The following MYO10 variants were observed in gnomAD, a reference collection of about 807,000 sequenced individuals.
MYO10 encodes the protein unconventional myosin-X.
Under a neutral mutation model 257.3 loss-of-function variants are expected in MYO10, and 133 were observed. That is an observed-to-expected ratio of 0.52 (90% CI 0.45 to 0.60). The LOEUF (loss-of-function observed/expected upper bound fraction) is 0.60, where lower values mean the gene tolerates loss of function less well. Among genes scored for constraint, MYO10 ranks in the 20% least tolerant of loss-of-function variants. The probability of loss-of-function intolerance (pLI) is 0.00; values close to 1 mark genes in which losing one functional copy is unlikely to be tolerated. For missense variants in MYO10, 2,399 were observed against 2,635.7 expected (o/e 0.91, Z 1.97); for synonymous variants, 1,104 against 1,028.6 (o/e 1.07, Z -1.40).
intron 2 of MYO10, among the ~76,000 whole-genome samples, chr5:16,835,500 T>TTTG (rs1052349935): frequency 6.9e-6 from 1 of 145,366 alleles, no homozygotes; most frequent in African/African-American, 2.5e-5. Flanking sequence ...CTGTTTTTTT[T>TTTG]TTTTTTTTTT....
rs1326189616 is a variant in MYO10, at chr5:16,674,881, G to A, written c.4936C>T (p.Leu1646Phe). The change falls in exon 35 of 41, where the codon CTC becomes TTC. Residue 1646 changes from leucine to phenylalanine, a missense_variant. Physicochemically the swap from Leu to Phe is conservative, Grantham distance 22. This residue lies in a region of MYO10 where 1,820 missense variants were observed against 1,939.4 expected (regional missense o/e 0.94). Coordinates refer to ENST00000513610, the MANE Select transcript of MYO10 (RefSeq NM_012334.3). ...SCTFLPSRGI[L>F]KYLKFHLKRI... ...TTCAGATGGAACTTGAGATACTTGA[G>A]AATCCCTCGACTCGGCAGGAAGGTG... 3.1e-6 allele frequency: 5 copies of A among 1,613,838 alleles called. No homozygotes were observed. The African/African-American group carries it at 5.3e-5, about 17-fold the overall frequency.
intron 27 of MYO10, among the ~76,000 whole-genome samples, chr5:16,692,833 T>G (rs951394528): frequency 1.3e-5 from 2 of 152,242 alleles, no homozygotes; most frequent in Admixed American, 6.5e-5. Context: ...TAACTCAGTA[T>G]AATTCTGATG....
chr5:16,873,348 G>A (rs1744501023), intron 2 of MYO10, among the ~76,000 whole-genome samples: 1 of 152,306 alleles, frequency 6.6e-6, no homozygotes, highest in Middle Eastern at 3.4e-3. Context: ...GGGTTCCCAT[G>A]GTCTTGGGTA....
intron 9 of MYO10, among the ~76,000 whole-genome samples, chr5:16,773,807 G>GAACAA (rs72008518): frequency 0.21 from 31,394 of 151,872 alleles, 3,301 homozygotes; most frequent in Middle Eastern, 0.23. Context: ...GTAAGCAAAT[G>GAACAA]AACAAATGTG....
At chr5:16,773,858 GTCTAAC>G (rs776762387) in intron 9 of MYO10, among the ~76,000 whole-genome samples, 4 of 152,116 alleles carry the variant, frequency 2.6e-5, no homozygotes, top group Admixed American at 1.3e-4. Context: ...TTGCTTTCTA[GTCTAAC>G]TCTAAGTGAT....
chr5:16,788,985 AG>A (rs1741674299), intron 4 of MYO10, among the ~76,000 whole-genome samples: 3 of 152,128 alleles, frequency 2.0e-5, no homozygotes, highest in African/African-American at 7.2e-5. Context: ...AGCAGAGAGG[AG>A]GGATCCATGA....
chr5:16,777,074 C>T (rs1323866005), intron 9 of MYO10, among the ~76,000 whole-genome samples: 3 of 151,786 alleles, frequency 2.0e-5, no homozygotes, highest in Non-Finnish European at 2.9e-5. Flanking sequence ...ATAAATGAAC[C>T]GTGATGGAAG....
chr5:16,794,330 T>C (rs545036401), intron 4 of MYO10, among the ~76,000 whole-genome samples: 2 of 148,562 alleles, frequency 1.3e-5, no homozygotes, highest in South Asian at 2.1e-4. Context: ...AGAAGGACCA[T>C]GCCTCATCAT....
At chr5:16,711,597 T>A (rs1269454423) in intron 19 of MYO10, among the ~76,000 whole-genome samples, 6 of 151,514 alleles carry the variant, frequency 4.0e-5, no homozygotes, top group African/African-American at 1.5e-4. Flanking sequence ...GCCTGGCCAA[T>A]ATGGTGAAAC....
At chr5:16,811,609 A>G (rs527750387) in intron 3 of MYO10, among the ~76,000 whole-genome samples, 7 of 152,034 alleles carry the variant, frequency 4.6e-5, no homozygotes, top group Non-Finnish European at 8.8e-5. Context: ...GAGTACAGTG[A>G]CACAATCTCG....
At chr5:16,804,577 G>A (rs529421087) in intron 3 of MYO10, among the ~76,000 whole-genome samples, 1 of 152,268 alleles carries the variant, frequency 6.6e-6, no homozygotes, top group East Asian at 1.9e-4. Flanking sequence ...TTTATTTCAA[G>A]AAAGACAAAT....
rs1244871535 is a variant in MYO10, at chr5:16,664,150, T to A, written c.*2542A>T. The A allele has an allele frequency of 6.6e-6, 1 of 152,166 alleles. No individual in the cohort carries two copies. Among genetic ancestry groups the A allele is most frequent in the African/African-American group, 2.4e-5 (1 of 41,432 alleles). The allele number at this position is 152,166 out of a possible 1,614,324, so 9.4% of individuals were successfully genotyped here. A position where few individuals can be genotyped will look rare whatever the true frequency, so the allele number is the denominator to read the frequency against. ...CTCCCTGTACGTTCTGTTGCAACTT[T>A]CTCTGAGTCTGTAATTATTTCTAAA... On this transcript the variant is annotated 3_prime_UTR_variant, in exon 41 of 41. Transcript: ENST00000513610.
intron 19 of MYO10, among the ~76,000 whole-genome samples, chr5:16,734,796 ACT>A (rs1251934040): frequency 6.9e-6 from 1 of 145,518 alleles, no homozygotes; most frequent in Non-Finnish European, 1.5e-5. Context: ...CAAGCACGAA[ACT>A]CTGTCTCAAA....
In MYO10 at chr5:16,699,534, T is replaced by A; in HGVS notation, c.3472A>T (p.Thr1158Ser). The change falls in exon 26 of 41, where the codon ACA becomes TCA. Residue 1158 changes from threonine to serine, a missense_variant. Thr to Ser is a moderately conservative substitution (Grantham distance 58, BLOSUM62 1). Transcript: ENST00000513610. Reference protein sequence around the residue: ...SEEDFDSRFDTDDELSYRRDS... With the variant: ...SEEDFDSRFDSDDELSYRRDS... ...CGCCGGTATGAAAGCTCATCATCTG[T>A]ATCAAACCTGGAATCAAAGTCCTCT... The A allele has an allele frequency of 6.2e-7, 1 of 1,613,606 alleles. No homozygotes were observed. The highest frequency in any genetic ancestry group is 1.1e-5 in the South Asian group (1 of 91,066).
intron 19 of MYO10, among the ~76,000 whole-genome samples, chr5:16,715,397 T>A (rs1412091796): frequency 7.9e-5 from 11 of 139,350 alleles, no homozygotes; most frequent in African/African-American, 2.9e-4. Flanking sequence ...TTGAAATTTT[T>A]TTTTTTTTTT....
Position 16,662,223 on chromosome 5 carries a change from C to T in MYO10, c.*4469G>A, listed in dbSNP as rs1017675220. On this transcript the variant is annotated 3_prime_UTR_variant, in exon 41 of 41. Transcript: ENST00000513610. ...ATACCCAATACACACAAATACAGAA[C>T]TTTACTATAGCAGATTTTTGACCCC... 1.3e-5 allele frequency: 2 copies of T among 150,730 alleles called. No individual in the cohort carries two copies. The highest frequency in any genetic ancestry group is 6.6e-5 in the Admixed American group (1 of 15,092). 9.3% of individuals were successfully genotyped at this position (150,730 alleles called of 1,614,324 possible).
chr5:16,690,030 C>T lies in MYO10; in HGVS notation c.3801-111G>A, dbSNP rs191835232. ...AGAGTTGGGAACTGTCTGTTACTGA[C>T]GAAACGGTACACAGTTGGCTCTCCA... On this transcript the variant is annotated intron_variant, in intron 27 of 40. Coordinates refer to ENST00000513610, the MANE Select transcript of MYO10 (RefSeq NM_012334.3). The T allele has an allele frequency of 1.2e-4, 95 of 763,738 alleles. No homozygotes were observed. In the Admixed American group the frequency reaches 1.6e-3, roughly 13 times the overall value. 47.3% of individuals were successfully genotyped at this position (763,738 alleles called of 1,614,324 possible).
intron 3 of MYO10, among the ~76,000 whole-genome samples, chr5:16,811,077 A>AAC (rs1274030870): frequency 2.6e-5 from 4 of 151,786 alleles, no homozygotes; most frequent in African/African-American, 9.7e-5. Flanking sequence ...TCAAAAAAAA[A>AAC]AAAAAAAACA....
At chr5:16,829,651 G>C (rs544315017) in intron 2 of MYO10, among the ~76,000 whole-genome samples, 47 of 152,316 alleles carry the variant, frequency 3.1e-4, no homozygotes, top group African/African-American at 1.1e-3. Context: ...GCTGCAGGCA[G>C]GCTAACAGGA....
Sources: allele counts gnomAD v4.1 joint callset (sites outside exome capture counted in the v4.1 genomes callset), GRCh38; gene constraint gnomAD v4.1.1; regional missense constraint gnomAD v4.1.1; transcripts MANE v1.5; gene names NCBI Gene and HGNC (gene_info 2026-07-23, HGNC 2026-07-21).